Variants in PLEKHG5 observed in about 807,000 individuals in gnomAD.
PLEKHG5 encodes pleckstrin homology domain-containing family G member 5.
PLEKHG5 carries 52 observed loss-of-function variants against 103.8 expected under a neutral mutation model. The ratio of observed to expected loss-of-function variants is 0.50; its 90% CI spans 0.40 to 0.63. PLEKHG5 has a LOEUF of 0.63. PLEKHG5 is among the 30% of genes least tolerant of loss of function. The pLI is 0.00. For synonymous variants in PLEKHG5, 592 were observed against 575.5 expected, an observed-to-expected ratio of 1.03 and a Z score of -0.41; for missense variants, 1,205 against 1,347.6, an observed-to-expected ratio of 0.89 and a Z score of 1.66.
chr1:6,501,966 C>T lies in PLEKHG5; in HGVS notation c.-164-5397G>A, dbSNP rs551547210. Among the ~76,000 whole-genome samples, 2 of 152,364 alleles carry T rather than the reference C, an allele frequency of 1.3e-5. No homozygotes were observed. Among genetic ancestry groups the T allele is most frequent in the East Asian group, 3.9e-4 (2 of 5,174 alleles). On this transcript the variant is annotated intron_variant, in intron 1 of 21. Transcript: ENST00000377740. The surrounding 1 kb of genome is among the most constrained non-coding windows in gnomAD (Gnocchi z 4.3). The stretch of plus-strand genomic sequence containing the variant: ...ACAGGCCCTCCCTGCCCACGACCTC[C>T]CAACCACAGGCCTGGCCATGCAAAG...
chr1:6,490,409 C>A lies in PLEKHG5; in HGVS notation c.-88+1228G>T, dbSNP rs1052060278. 38 of 979,568 alleles carry A rather than the reference C, an allele frequency of 3.9e-5. No individual in the cohort carries two copies. The highest frequency in any genetic ancestry group is 4.6e-5 in the Non-Finnish European group (38 of 824,802). The allele number at this position is 979,568 out of a possible 1,614,324, so 60.7% of individuals were successfully genotyped here. A position where few individuals can be genotyped will look rare whatever the true frequency, so the allele number is the denominator to read the frequency against. ...GGTCCTGGCGCCTAGTCCCACCCCCCGTCCGGAGCGCAGCTCCCACTTCCC... is the reference window on the plus strand; with the variant it reads ...GGTCCTGGCGCCTAGTCCCACCCCCAGTCCGGAGCGCAGCTCCCACTTCCC... On this transcript the variant is annotated intron_variant, in intron 1 of 20. Coordinates refer to ENST00000377728, the MANE Select transcript of PLEKHG5 (RefSeq NM_020631.6). The surrounding 1 kb of genome is among the most constrained non-coding windows in gnomAD (Gnocchi z 8.0).
upstream of PLEKHG5, among the ~76,000 whole-genome samples, chr1:6,498,771 C>A (rs371236709): frequency 6.6e-6 from 1 of 152,344 alleles, no homozygotes; most frequent in African/African-American, 2.4e-5. Context: ...CCCAGCCTCA[C>A]CCCCACACTG....
At chr1:6,507,144 C>T (rs1448425506) in intron 1 of PLEKHG5, among the ~76,000 whole-genome samples, 1 of 152,224 alleles carries the variant, frequency 6.6e-6, no homozygotes, top group Non-Finnish European at 1.5e-5. Context: ...CAACTCAAAG[C>T]CTATGGCAGC....
rs769207544 is a variant in PLEKHG5 at position 6,470,240 on chromosome 1, C to G, written c.1796G>C (p.Ser599Thr). The G allele has an allele frequency of 6.2e-7, 1 of 1,613,950 alleles. No homozygotes were observed. The highest frequency in any genetic ancestry group is 8.5e-7 in the Non-Finnish European group (1 of 1,179,962). Residue 599 changes from serine (S) to threonine (T), a missense_variant, in exon 16 of 21, where the codon AGC becomes ACC. Physicochemically the swap from Ser to Thr is moderately conservative, Grantham distance 58. Coordinates refer to ENST00000377728, the MANE Select transcript of PLEKHG5 (RefSeq NM_020631.6). ...GSLRMKEGKD[S>T]KMDVYCFLFT... ...GTGGGGTGGCCCTGGAATCACCTTG[C>G]TGTCCTTCCCCTCCTTCATCCTCAG...
chr1:6,477,830 G>A (rs1434730597), intron 1 of PLEKHG5, among the ~76,000 whole-genome samples, 172 bp from the exon 2 acceptor site: 1 of 150,100 alleles, frequency 6.7e-6, no homozygotes. Context: ...CCCCTCTGCT[G>A]GATCATTTCC....
In PLEKHG5 at chr1:6,473,486, C is replaced by T. The variant is rs999912946; in HGVS notation, c.592-32G>A. The T allele has an allele frequency of 3.4e-6, 5 of 1,471,814 alleles. No homozygotes were observed. In the African/African-American group the frequency reaches 4.2e-5, roughly 12 times the overall value. The allele number at this position is 1,471,814 out of a possible 1,614,324, so 91.2% of individuals were successfully genotyped here. On this transcript the variant is annotated intron_variant, in intron 7 of 20. Coordinates refer to ENST00000377728, the MANE Select transcript of PLEKHG5 (RefSeq NM_020631.6). ...AGGGAAGGGTGGTCAGGGCCGGGAC[C>T]CCCTGCCAGCCCCCATGGCCCCACC...
At chr1:6,475,212 C>A (rs1644726755) in intron 4 of PLEKHG5, 74 bp from the exon 5 acceptor site, 26 of 777,438 alleles carry the variant, frequency 3.3e-5, no homozygotes, top group Non-Finnish European at 4.6e-5. Context: ...CCCCACCCTC[C>A]TTCCCACCCT....
In PLEKHG5 at chr1:6,471,051, C is replaced by CCCT. The variant is rs2148583756; in HGVS notation, c.1328_1330dup (p.Glu443dup). On this transcript the variant is annotated inframe_insertion, in exon 13 of 21. Transcript: ENST00000377728. ...CAGGCCGCGCATGTACTCCATGCAGCCCTCCTCCTCCATGCAGTAGCGGAT... is the reference window on the plus strand; with the variant it reads ...CAGGCCGCGCATGTACTCCATGCAGCCCTCCTCCTCCTCCATGCAGTAGCGGAT... 9 of 1,603,562 alleles carry CCCT rather than the reference C, an allele frequency of 5.6e-6. No individual in the cohort carries two copies. Among genetic ancestry groups the CCCT allele is most frequent in the Non-Finnish European group, 7.7e-6 (9 of 1,175,652 alleles).
At chr1:6,471,942 AGGCTGTACCCTTT>A in intron 10 of PLEKHG5, 134 bp from the exon 11 acceptor site, 1 of 892,940 alleles carries the variant, frequency 1.1e-6, no homozygotes, top group East Asian at 2.6e-5. Context: ...ACGGATAAGA[AGGCTGTACCCTTT>A]GGCCTTCGCA....
At chr1:6,482,888 G>A (rs981353390) in intron 1 of PLEKHG5, among the ~76,000 whole-genome samples, 4 of 152,086 alleles carry the variant, frequency 2.6e-5, no homozygotes, top group Non-Finnish European at 2.9e-5. Context: ...TTTGGATTTT[G>A]AGTAGAGACG....
At position 6,470,315 on chromosome 1, in the gene PLEKHG5, A is replaced by G. The variant is rs1344388623; in HGVS notation, c.1721T>C (p.Ile574Thr). 1 of 1,613,912 alleles carries G rather than the reference A, an allele frequency of 6.2e-7. No individual in the cohort carries two copies. The highest frequency in any genetic ancestry group is 8.5e-7 in the Non-Finnish European group (1 of 1,179,946). Residue 574 changes from isoleucine to threonine, a missense_variant, in exon 16 of 21, where the codon ATC becomes ACC. Physicochemically the swap from Ile to Thr is moderately conservative, Grantham distance 89. Coordinates refer to ENST00000377728, the MANE Select transcript of PLEKHG5 (RefSeq NM_020631.6). ...EFLHLDLTAP[I>T]PGASPEETRQ... is the part of the protein sequence containing the mutation. ...CGTCTCCTCCGGGGAGGCGCCAGGG[A>G]TGGGCGCTGTCAAGTCCAGGTGCAG...
In PLEKHG5 at chr1:6,487,316, T is replaced by C. The variant is rs1386218913; in HGVS notation, c.-88+4321A>G. 5.3e-5 allele frequency among the ~76,000 whole-genome samples: 8 copies of C among 152,304 alleles called. No homozygotes were observed. Among genetic ancestry groups the C allele is most frequent in the Admixed American group, 5.2e-4 (8 of 15,300 alleles). On this transcript the variant is annotated intron_variant, in intron 1 of 20. Transcript: ENST00000377728. This position sits in a 1 kb window ranked among gnomAD's most constrained non-coding sequence, Gnocchi z 4.1. ...TTTTAGTAGAGATGGGGTTTCGCCATGTTGACCAGGCTGGTCACTAACTCC... is the reference window on the plus strand; with the variant it reads ...TTTTAGTAGAGATGGGGTTTCGCCACGTTGACCAGGCTGGTCACTAACTCC...
intron 2 of PLEKHG5, 57 bp from the exon 3 acceptor site, chr1:6,476,093 T>C (rs1644759729): frequency 1.4e-6 from 2 of 1,458,852 alleles, no homozygotes; most frequent in South Asian, 1.1e-5. Flanking sequence ...GCCTGCAGCA[T>C]GGCTGCCTCC....
At chr1:6,496,294 G>A (rs1377436780), upstream of PLEKHG5, among the ~76,000 whole-genome samples, 2 of 152,218 alleles carry the variant, frequency 1.3e-5, no homozygotes, top group East Asian at 1.9e-4. Flanking sequence ...GAAGTCCCCC[G>A]ACTCCACTGT....
rs564139346 is a variant in PLEKHG5, at chr1:6,486,587, G to A, written c.-88+5050C>T. On this transcript the variant is annotated intron_variant, in intron 1 of 20. Transcript: ENST00000377728. The surrounding 1 kb of genome is among the most constrained non-coding windows in gnomAD (Gnocchi z 5.3). ...GGTGGAGGCATCAGGAAACCCTGGC[G>A]ACCCACATGGCACAGCAGCCCAGGT... 2.4e-4 allele frequency among the ~76,000 whole-genome samples: 37 copies of A among 152,298 alleles called. No homozygotes were observed. The highest frequency in any genetic ancestry group is 8.7e-4 in the African/African-American group (36 of 41,572).
upstream of PLEKHG5, chr1:6,497,439 G>T (rs1289885018): frequency 4.1e-5 from 29 of 700,392 alleles, no homozygotes; most frequent in Non-Finnish European, 5.1e-5. The surrounding 1 kb of genome is among the most constrained non-coding windows in gnomAD (Gnocchi z 6.1). Context: ...GGCGGGCGGG[G>T]CAGGTGGGCG....
At chr1:6,478,360 G>T (rs546961643) in intron 1 of PLEKHG5, among the ~76,000 whole-genome samples, 231 of 152,138 alleles carry the variant, frequency 1.5e-3, no homozygotes, top group Non-Finnish European at 2.9e-3. Context: ...GTAGAGACGG[G>T]GTTTCACCAT....
Position 6,490,447 on chromosome 1 carries a change from AG to A in PLEKHG5, c.-88+1189del, listed in dbSNP as rs1361234348. ...GCTCCCACTTCCCCGCGACTCACCTAGGAACAGGACCAGGGTCTCCTCCCCG... is the reference window on the plus strand; with the variant it reads ...GCTCCCACTTCCCCGCGACTCACCTAGAACAGGACCAGGGTCTCCTCCCCG... On this transcript the variant is annotated intron_variant, in intron 1 of 20. Transcript: ENST00000377728. The surrounding 1 kb of genome is among the most constrained non-coding windows in gnomAD (Gnocchi z 8.0). 1.0e-6 allele frequency: 1 copy of A among 984,604 alleles called. No individual in the cohort carries two copies. The highest frequency in any genetic ancestry group is 1.1e-4 in the East Asian group (1 of 8,760). 61.0% of individuals were successfully genotyped at this position (984,604 alleles called of 1,614,324 possible).
intron 1 of PLEKHG5, among the ~76,000 whole-genome samples, chr1:6,480,436 A>G (rs1162524049): frequency 2.6e-5 from 4 of 151,588 alleles, no homozygotes; most frequent in African/African-American, 4.8e-5. Flanking sequence ...AGGCTGAGGC[A>G]GGAGAATTGC....
Sources: gnomAD v4.1 joint callset for allele counts (sites outside exome capture counted in the v4.1 genomes callset) on GRCh38, gnomAD v4.1.1 for gene constraint, Gnocchi (gnomAD v3.1) non-coding constraint, MANE v1.5 for transcripts, NCBI Gene and HGNC (gene_info 2026-07-23, HGNC 2026-07-21) for gene names.